ARHGAP25: variants seen among roughly 807,000 people sequenced by gnomAD.
ARHGAP25 encodes rho GTPase-activating protein 25.
ARHGAP25 carries 34 observed loss-of-function variants against 71.0 expected under a neutral mutation model. The observed-to-expected ratio is 0.48, with a 90% confidence interval of 0.36 to 0.64. The LOEUF is 0.64. Ranked by LOEUF, ARHGAP25 falls within the 30% of genes least tolerant of loss-of-function variation. ARHGAP25 has a pLI of 0.00. For synonymous variants in ARHGAP25, 282 were observed against 296.5 expected (o/e 0.95, Z 0.50); for missense variants, 706 against 805.1 (o/e 0.88, Z 1.49).
chr2:68,774,382 G>C (rs1302698953), intron 1 of ARHGAP25, among the ~76,000 whole-genome samples: 2 of 152,214 alleles, frequency 1.3e-5, no homozygotes, highest in Non-Finnish European at 2.9e-5. Flanking sequence ...TTACTCGAAT[G>C]ACAGGCAGAA....
At chr2:68,755,984 T>C (rs1676459212) in intron 1 of ARHGAP25, among the ~76,000 whole-genome samples, 1 of 152,248 alleles carries the variant, frequency 6.6e-6, no homozygotes, top group Non-Finnish European at 1.5e-5. Context: ...CCTTAAAATA[T>C]AGCTCATAGA....
Position 68,807,409 on chromosome 2 carries a change from G to A in ARHGAP25, c.603G>A (p.Leu201=). The change falls in exon 5 of 11, where the codon CTG becomes CTA. Residue 201 remains leucine (L), a synonymous_variant. Coordinates refer to ENST00000409202, the MANE Select transcript of ARHGAP25 (RefSeq NM_001007231.3). ...GGAATGAAGAGGGCATCTTCCGTCT[G>A]CCTGGGCAGGACAACCTGGTGAAGC... ...HGRNEEGIFR[L]PGQDNLVKQL... 1 of 1,614,262 alleles carries A rather than the reference G, an allele frequency of 6.2e-7. No individual in the cohort carries two copies. Among genetic ancestry groups the A allele is most frequent in the Non-Finnish European group, 8.5e-7 (1 of 1,180,054 alleles).
At chr2:68,791,742 T>C (rs1184429395) in intron 4 of ARHGAP25, among the ~76,000 whole-genome samples, 1 of 152,206 alleles carries the variant, frequency 6.6e-6, no homozygotes, top group Non-Finnish European at 1.5e-5. Flanking sequence ...CTCTTCTGGC[T>C]TGCCGTCCCC....
At chr2:68,820,059 T>TC (rs1203526871) in intron 9 of ARHGAP25, among the ~76,000 whole-genome samples, 2 of 152,228 alleles carry the variant, frequency 1.3e-5, no homozygotes, top group Non-Finnish European at 2.9e-5. Context: ...CCCTGAAGAT[T>TC]GTTTTTAAAA....
At chr2:68,736,037 C>T (rs1675196681) in intron 1 of ARHGAP25, among the ~76,000 whole-genome samples, 1 of 152,172 alleles carries the variant, frequency 6.6e-6, no homozygotes, top group Non-Finnish European at 1.5e-5. Flanking sequence ...GGGCTGAAAA[C>T]TATTGCCTAC....
At chr2:68,713,849 T>C (rs1023451292) in intron 2 of ARHGAP25, among the ~76,000 whole-genome samples, 2 of 152,202 alleles carry the variant, frequency 1.3e-5, no homozygotes, top group African/African-American at 4.8e-5. Flanking sequence ...TTGATCATGG[T>C]GGATAAGTTT....
At position 68,792,106 on chromosome 2, in the gene ARHGAP25, ACT is replaced by A. The variant is rs562000156; in HGVS notation, c.466+4153_466+4154del. 2.1e-3 allele frequency among the ~76,000 whole-genome samples: 320 copies of A among 151,634 alleles called. 2 individuals are homozygous for A. The highest frequency in any genetic ancestry group is 7.4e-3 in the African/African-American group (306 of 41,290). On this transcript the variant is annotated intron_variant, in intron 4 of 10. Coordinates refer to ENST00000409202, the MANE Select transcript of ARHGAP25 (RefSeq NM_001007231.3). ...AGCAGTCCAAATTGCAAATCATCAC[ACT>A]CTGTCCAGACCTGCTTTTGTCCTCT...
intron 2 of ARHGAP25, among the ~76,000 whole-genome samples, chr2:68,727,736 A>T (rs556612454): frequency 5.9e-5 from 9 of 152,366 alleles, no homozygotes; most frequent in Admixed American, 6.5e-5. Context: ...GGATTGCTCC[A>T]TTCCCCTGCC....
chr2:68,760,426 T>C (rs773150569), intron 1 of ARHGAP25, among the ~76,000 whole-genome samples: 41 of 152,044 alleles, frequency 2.7e-4, no homozygotes, highest in Non-Finnish European at 5.9e-4. Flanking sequence ...TATAATCTTA[T>C]ATGCAGAAAA....
chr2:68,795,954 A>G (rs1679509758), intron 4 of ARHGAP25, among the ~76,000 whole-genome samples: 1 of 152,174 alleles, frequency 6.6e-6, no homozygotes, highest in Admixed American at 6.5e-5. Context: ...TGTTGAGTGC[A>G]TATGTATTTA....
chr2:68,790,352 T>A (rs1679085460), intron 4 of ARHGAP25, among the ~76,000 whole-genome samples: 1 of 152,198 alleles, frequency 6.6e-6, no homozygotes, highest in Non-Finnish European at 1.5e-5. Flanking sequence ...TAAGACAGTA[T>A]AGAGTCTCAT....
intron 2 of ARHGAP25, among the ~76,000 whole-genome samples, chr2:68,711,690 C>G (rs1295535594): frequency 1.3e-5 from 2 of 148,804 alleles, no homozygotes; most frequent in Admixed American, 1.3e-4. Context: ...CCCCGCAGGC[C>G]CCAGTGTGTG....
At chr2:68,815,582 C>G (rs553983657) in intron 6 of ARHGAP25, among the ~76,000 whole-genome samples, 99 of 151,210 alleles carry the variant, frequency 6.5e-4, no homozygotes, top group Non-Finnish European at 1.1e-3. Context: ...TCCCGAGTAG[C>G]TGGGGTTACA....
chr2:68,798,932 A>C (rs1679766677), intron 4 of ARHGAP25, among the ~76,000 whole-genome samples: 1 of 152,172 alleles, frequency 6.6e-6, no homozygotes, highest in Non-Finnish European at 1.5e-5. Flanking sequence ...ATTTCAAGGA[A>C]AAAGGTGAAA....
At chr2:68,799,602 G>A (rs888336787) in intron 4 of ARHGAP25, among the ~76,000 whole-genome samples, 1 of 152,178 alleles carries the variant, frequency 6.6e-6, no homozygotes, top group Non-Finnish European at 1.5e-5. Flanking sequence ...CCACCTGGGA[G>A]GTATCCCCTG....
intron 4 of ARHGAP25, among the ~76,000 whole-genome samples, chr2:68,795,254 G>A (rs183772040): frequency 1.1e-4 from 16 of 151,788 alleles, no homozygotes; most frequent in African/African-American, 3.4e-4. Context: ...TGTTTCTTTG[G>A]TTTCTGTTTC....
At chr2:68,724,461 TGG>T (rs1030444558) in intron 2 of ARHGAP25, among the ~76,000 whole-genome samples, 3 of 152,216 alleles carry the variant, frequency 2.0e-5, no homozygotes, top group African/African-American at 7.2e-5. Context: ...ATGACCTCTG[TGG>T]GATGCTAAGA....
chr2:68,736,290 T>C (rs1405359146), intron 1 of ARHGAP25, among the ~76,000 whole-genome samples: 1 of 152,210 alleles, frequency 6.6e-6, no homozygotes, highest in Non-Finnish European at 1.5e-5. Flanking sequence ...CCATTTATCT[T>C]GATAACTAGG....
At chr2:68,778,788 G>T (rs1050760778) in intron 2 of ARHGAP25, among the ~76,000 whole-genome samples, 1 of 152,212 alleles carries the variant, frequency 6.6e-6, no homozygotes, top group East Asian at 1.9e-4. Context: ...TGGACCTAGC[G>T]TCCGGCAAAG....
Sources: gnomAD v4.1 joint callset for allele counts (sites outside exome capture counted in the v4.1 genomes callset) on GRCh38, gnomAD v4.1.1 for gene constraint, MANE v1.5 for transcripts, NCBI Gene and HGNC (gene_info 2026-07-23, HGNC 2026-07-21) for gene names.